DOCK3: variants seen among roughly 807,000 people sequenced by gnomAD.
The protein encoded by DOCK3 is dedicator of cytokinesis 3, also known as dedicator of cytokinesis protein 3.
A neutral mutation model predicts 265.6 loss-of-function variants in DOCK3; 60 were observed. The observed-to-expected ratio is 0.23, with a 90% CI of 0.18 to 0.28. The LOEUF (loss-of-function observed/expected upper bound fraction) is 0.28. DOCK3 is among the 10% of genes least tolerant of loss of function. The pLI, the probability that DOCK3 is intolerant of heterozygous loss-of-function variation, is 1.00. For synonymous variants in DOCK3, 881 were observed against 938.0 expected (o/e 0.94, Z 1.11); for missense variants, 1,981 against 2,594.3 (o/e 0.76, Z 5.14).
chr3:51,338,834 T>G, intron 36 of DOCK3, 101 bp from the exon 37 acceptor site: 4 of 970,554 alleles, frequency 4.1e-6, no homozygotes, highest in Non-Finnish European at 6.4e-6. Context: ...GGGCCTGCCC[T>G]CCCCCTCCTG....
chr3:50,980,743 T>C (rs942840073), intron 5 of DOCK3, among the ~76,000 whole-genome samples: 1 of 152,158 alleles, frequency 6.6e-6, no homozygotes, highest in African/African-American at 2.4e-5. Flanking sequence ...AATTTGTTAG[T>C]ATATAGTTCA....
intron 27 of DOCK3, among the ~76,000 whole-genome samples, chr3:51,305,727 T>C (rs907515549): frequency 6.7e-5 from 3 of 44,660 alleles, no homozygotes; most frequent in African/African-American, 2.9e-4. Context: ...TGTGTGTGTG[T>C]GTGTGCGCGT....
At chr3:50,826,313 A>G (rs1157550683) in intron 2 of DOCK3, among the ~76,000 whole-genome samples, 1 of 151,120 alleles carries the variant, frequency 6.6e-6, no homozygotes, top group African/African-American at 2.4e-5. Context: ...AATGTTCTTT[A>G]TAGTAAATTT....
At chr3:50,692,558 A>G (rs1325716430) in intron 1 of DOCK3, among the ~76,000 whole-genome samples, 1 of 152,180 alleles carries the variant, frequency 6.6e-6, no homozygotes, top group Non-Finnish European at 1.5e-5. Flanking sequence ...TTGGTTCTTA[A>G]CAGGCCACAG....
intron 3 of DOCK3, among the ~76,000 whole-genome samples, chr3:50,866,330 C>G (rs750398453): frequency 1.3e-5 from 2 of 151,936 alleles, no homozygotes; most frequent in South Asian, 4.2e-4. Flanking sequence ...ACTAAAAATA[C>G]GAAAATTAGC....
chr3:50,900,658 C>A, intron 4 of DOCK3: 2 of 447,696 alleles, frequency 4.5e-6, no homozygotes, highest in Non-Finnish European at 8.9e-6. Flanking sequence ...GATGGGGTTT[C>A]TGTATGGACC....
chr3:50,689,018 C>T (rs774465308), intron 1 of DOCK3, among the ~76,000 whole-genome samples: 2 of 152,110 alleles, frequency 1.3e-5, no homozygotes, highest in Non-Finnish European at 2.9e-5. Flanking sequence ...AATTAAGTGT[C>T]GGATTGTGAC....
intron 10 of DOCK3, 25 bp downstream of exon 10, chr3:51,146,655 CT>C: frequency 6.4e-7 from 1 of 1,558,570 alleles, no homozygotes; most frequent in Non-Finnish European, 8.7e-7. Flanking sequence ...TCTTTTTCTT[CT>C]TTGCTGTTGA....
intron 24 of DOCK3, 21 bp downstream of exon 24, chr3:51,271,028 A>AGTCCTCCTTCCTTCCAGGGGT (rs775926923): frequency 3.1e-6 from 5 of 1,603,892 alleles, no homozygotes; most frequent in Non-Finnish European, 4.3e-6. Flanking sequence ...TTGGGATGAG[A>AGTCCTCCTTCCTTCCAGGGGT]GTCCTCCTTC....
intron 37 of DOCK3, 149 bp downstream of exon 37, chr3:51,339,177 C>A: frequency 1.5e-6 from 1 of 651,542 alleles, no homozygotes; most frequent in Non-Finnish European, 2.5e-6. Context: ...ACTCATTTCC[C>A]TCAACTCCTT....
At chr3:50,835,194 A>G (rs774102812) in intron 2 of DOCK3, among the ~76,000 whole-genome samples, 10 of 152,188 alleles carry the variant, frequency 6.6e-5, no homozygotes, top group South Asian at 2.1e-4. Flanking sequence ...CAATTATTTA[A>G]CCCTTTAATC....
At chr3:50,906,732 G>A (rs1214901971) in intron 4 of DOCK3, among the ~76,000 whole-genome samples, 1 of 151,904 alleles carries the variant, frequency 6.6e-6, no homozygotes, top group Admixed American at 6.6e-5. Flanking sequence ...TTTTTTGAAG[G>A]GTTTTTTTGT....
intron 49 of DOCK3, among the ~76,000 whole-genome samples, chr3:51,363,436 G>A (rs2086883031): frequency 6.6e-6 from 1 of 152,150 alleles, no homozygotes. Context: ...GAAGGAGGGA[G>A]TCTCTTTGTT....
rs9852699 is a variant in DOCK3 at position 50,879,035 on chromosome 3, A to G, written c.163-10991A>G. Among the ~76,000 whole-genome samples the G allele has an allele frequency of 2.8e-3, 424 of 152,312 alleles. 1 individual carries two copies. Among genetic ancestry groups the G allele is most frequent in the African/African-American group, 9.6e-3 (400 of 41,566 alleles). ...TTCATATCCAGCCAAACTAAGCTTC[A>G]TAAGTGAAGGAGAAATAAAATCCTT... On this transcript the variant is annotated intron_variant, in intron 3 of 52. Coordinates refer to ENST00000266037, the MANE Select transcript of DOCK3 (RefSeq NM_004947.5).
At chr3:51,362,703 A>T (rs2086825879) in intron 49 of DOCK3, 29 bp downstream of exon 49, 1 of 1,608,382 alleles carries the variant, frequency 6.2e-7, no homozygotes, top group African/African-American at 1.3e-5. Flanking sequence ...TACTTGCAGA[A>T]TGGAGAAGAG....
chr3:51,190,980 C>T (rs1426590822), intron 12 of DOCK3, among the ~76,000 whole-genome samples: 2 of 152,108 alleles, frequency 1.3e-5, no homozygotes, highest in Non-Finnish European at 2.9e-5. Flanking sequence ...GAAGAGATTT[C>T]GGAAGGAATG....
At chr3:50,957,981 T>C (rs2076774454) in intron 5 of DOCK3, among the ~76,000 whole-genome samples, 1 of 152,200 alleles carries the variant, frequency 6.6e-6, no homozygotes, top group Non-Finnish European at 1.5e-5. Flanking sequence ...CTTGGCTTCT[T>C]AAGTTGGTTT....
At chr3:51,377,038 G>A (rs1373803871) in intron 51 of DOCK3, among the ~76,000 whole-genome samples, 2 of 152,262 alleles carry the variant, frequency 1.3e-5, no homozygotes, top group Non-Finnish European at 2.9e-5. Flanking sequence ...GCAGAGCAAC[G>A]TCAGAAGTAG....
At chr3:50,757,032 T>C (rs1271521992) in intron 1 of DOCK3, among the ~76,000 whole-genome samples, 3 of 152,026 alleles carry the variant, frequency 2.0e-5, no homozygotes, top group African/African-American at 7.2e-5. Context: ...GGCTAATTTT[T>C]CATAGAGACA....
Sources: allele counts gnomAD v4.1 joint callset (sites outside exome capture counted in the v4.1 genomes callset), GRCh38; gene constraint gnomAD v4.1.1; transcripts MANE v1.5; gene names NCBI Gene and HGNC (gene_info 2026-07-23, HGNC 2026-07-21).